Variants in ABI3BP observed in about 807,000 individuals in gnomAD.
ABI3BP encodes ABI family member 3 binding protein.
ABI3BP carries 216 observed loss-of-function variants against 268.6 expected under a neutral mutation model. That is an observed-to-expected ratio of 0.80 (90% CI 0.72 to 0.90). The LOEUF is 0.90. Ranked by LOEUF, ABI3BP falls within the 40% of genes least tolerant of loss-of-function variation. The probability of loss-of-function intolerance (pLI) is 0.00; values close to 1 mark genes in which losing one functional copy is unlikely to be tolerated. For synonymous variants in ABI3BP, 730 were observed against 730.0 expected (o/e 1.00, Z 0.00); for missense variants, 2,090 against 2,182.4 (o/e 0.96, Z 0.84).
rs571867021 is a variant in ABI3BP, at chr3:100,897,298, T to C, written c.461+1464A>G. On this transcript the variant is annotated intron_variant, in intron 4 of 67. Coordinates refer to ENST00000471714, the MANE Select transcript of ABI3BP (RefSeq NM_001375547.2). ...AAAAAATAATCAAATATACGTAATA[T>C]ACATCTTCCTATAACTCAGAAATTC... Among the ~76,000 whole-genome samples, 48 of 152,234 alleles carry C rather than the reference T, an allele frequency of 3.2e-4. 1 individual carries two copies. The South Asian group carries it at 8.3e-3, about 26-fold the overall frequency.
At chr3:100,818,642 A>G (rs531671390) in intron 40 of ABI3BP, 61 bp from the exon 41 acceptor site, 1 of 1,288,668 alleles carries the variant, frequency 7.8e-7, no homozygotes, top group Admixed American at 2.0e-5. Context: ...TTCCATTATA[A>G]TACTGCTTCA....
At chr3:100,838,501 A>C (rs886599430) in intron 24 of ABI3BP, 37 bp from the exon 25 acceptor site, 4 of 1,475,800 alleles carry the variant, frequency 2.7e-6, no homozygotes, top group Non-Finnish European at 3.7e-6. Flanking sequence ...ACAATGGGTC[A>C]TGGCTGTGAC....
At chr3:100,864,426 T>C in intron 11 of ABI3BP, 1 of 341,782 alleles carries the variant, frequency 2.9e-6, no homozygotes, top group Non-Finnish European at 5.3e-6. Flanking sequence ...ATGACACTTT[T>C]GGGGATTCTT....
chr3:100,768,910 T>C (rs1261430193), intron 62 of ABI3BP, among the ~76,000 whole-genome samples: 2 of 152,188 alleles, frequency 1.3e-5, no homozygotes, highest in Admixed American at 1.3e-4. Context: ...TCTACTTCAG[T>C]ATAGAAAGGA....
In ABI3BP at chr3:100,840,154, C is replaced by T. The variant is rs1464412138; in HGVS notation, c.1815G>A (p.Lys605=). Reference sequence around the variant, plus strand: ...GGGGGCGACGACCTGGTCTTTTGGTCTTTCGTGGTGCTGAAGAAAGAAAAT... The same window carrying T: ...GGGGGCGACGACCTGGTCTTTTGGTTTTTCGTGGTGCTGAAGAAAGAAAAT... ...TKPSTTLAPR[K]TKRPGRRPRP... The change falls in exon 23 of 68, where the codon AAG becomes AAA. Residue 605 remains lysine (K), a synonymous_variant. Transcript: ENST00000471714. 2 of 1,531,504 alleles carry T rather than the reference C, an allele frequency of 1.3e-6. No individual in the cohort carries two copies. Among genetic ancestry groups the T allele is most frequent in the African/African-American group, 1.4e-5 (1 of 72,690 alleles). The allele number at this position is 1,531,504 out of a possible 1,614,324, so 94.9% of individuals were successfully genotyped here.
intron 21 of ABI3BP, 89 bp from the exon 22 acceptor site, chr3:100,840,947 A>T (rs2098686881): frequency 8.5e-6 from 9 of 1,060,878 alleles, no homozygotes; most frequent in South Asian, 1.5e-5. Context: ...CTTAATTTTT[A>T]ATTACTAGAT....
In ABI3BP at chr3:100,823,449, C is replaced by T. The variant is rs2098284087; in HGVS notation, c.2803+9G>A. On this transcript the variant is annotated intron_variant, in intron 37 of 67. Transcript: ENST00000471714. ...AAGAAGCTTGTCGAAAACACTGTAT[C>T]AACGTTACCTAATGTTGTTGAGGCC... is the stretch of plus-strand genomic sequence containing the variant. The T allele has an allele frequency of 6.5e-7, 1 of 1,530,630 alleles. No individual in the cohort carries two copies. The highest frequency in any genetic ancestry group is 1.2e-5 in the South Asian group (1 of 82,910). 94.8% of individuals were successfully genotyped at this position (1,530,630 alleles called of 1,614,324 possible).
intron 9 of ABI3BP, among the ~76,000 whole-genome samples, chr3:100,871,705 A>G (rs926004948): frequency 2.6e-5 from 4 of 152,212 alleles, no homozygotes; most frequent in African/African-American, 7.2e-5. Context: ...ATGTGGAACT[A>G]TAAGTCCAAT....
At chr3:100,961,018 T>G (rs1372927148) in intron 1 of ABI3BP, among the ~76,000 whole-genome samples, 1 of 152,208 alleles carries the variant, frequency 6.6e-6, no homozygotes, top group Admixed American at 6.5e-5. Context: ...ATTTGTGTTG[T>G]TTTAAACTGC....
At chr3:100,779,624 T>C (rs1344457669) in intron 58 of ABI3BP, among the ~76,000 whole-genome samples, 1 of 152,120 alleles carries the variant, frequency 6.6e-6, no homozygotes, top group Admixed American at 6.5e-5. Context: ...TCTCTCTCTC[T>C]CTCTCTCTAT....
chr3:100,886,462 T>G (rs1219824342), intron 4 of ABI3BP, 139 bp from the exon 5 acceptor site: 1 of 575,510 alleles, frequency 1.7e-6, no homozygotes, highest in Non-Finnish European at 2.7e-6. Context: ...TTTAAAAAAT[T>G]TGCAGAGAAC....
intron 63 of ABI3BP, among the ~76,000 whole-genome samples, chr3:100,757,102 C>G (rs2095662263): frequency 6.6e-6 from 1 of 151,036 alleles, no homozygotes; most frequent in Non-Finnish European, 1.5e-5. Context: ...GGACATTTCA[C>G]AAATACTAGA....
Position 100,822,611 on chromosome 3 carries a change from A to C in ABI3BP, c.2865T>G (p.Pro955=). The change falls in exon 38 of 68, where the codon CCT becomes CCG. Residue 955 remains proline, a synonymous_variant. Coordinates refer to ENST00000471714, the MANE Select transcript of ABI3BP (RefSeq NM_001375547.2). ...TACCTGGTTTGGATTCAGGTGCTTCAGGACGTGGTGTGGTTTTTGTTCTGA... is the reference window on the plus strand; with the variant it reads ...TACCTGGTTTGGATTCAGGTGCTTCCGGACGTGGTGTGGTTTTTGTTCTGA... ...PRLRTKTTPR[P]EAPESKPVPT... is the part of the protein sequence containing the mutation. The C allele has an allele frequency of 6.5e-7, 1 of 1,536,612 alleles. No homozygotes were observed.
chr3:100,909,291 A>C (rs565218819), intron 2 of ABI3BP, among the ~76,000 whole-genome samples: 72 of 152,346 alleles, frequency 4.7e-4, no homozygotes, highest in African/African-American at 1.7e-3. Flanking sequence ...CGTAAGACCC[A>C]AAACCATAAA....
chr3:100,787,063 G>A (rs1419998361), intron 57 of ABI3BP, among the ~76,000 whole-genome samples: 3 of 151,892 alleles, frequency 2.0e-5, no homozygotes. Flanking sequence ...ATATTTAAAG[G>A]GAATGATACA....
At chr3:100,939,917 G>T (rs974394576) in intron 1 of ABI3BP, among the ~76,000 whole-genome samples, 1 of 151,994 alleles carries the variant, frequency 6.6e-6, no homozygotes, top group Non-Finnish European at 1.5e-5. Context: ...ACCCCCAGGC[G>T]CATATTCTCT....
At chr3:100,877,359 T>C (rs1014219576) in intron 6 of ABI3BP, among the ~76,000 whole-genome samples, 20 of 152,222 alleles carry the variant, frequency 1.3e-4, no homozygotes, top group African/African-American at 4.1e-4. Flanking sequence ...AAGCACTTAT[T>C]GCTCAAGAAA....
At chr3:100,841,504 T>G (rs1413883006) in intron 21 of ABI3BP, among the ~76,000 whole-genome samples, 1 of 152,082 alleles carries the variant, frequency 6.6e-6, no homozygotes, top group East Asian at 1.9e-4. Context: ...AGTATTGCTT[T>G]CATGGGTGTC....
chr3:100,888,297 G>C (rs2042907492), intron 4 of ABI3BP, among the ~76,000 whole-genome samples: 1 of 152,088 alleles, frequency 6.6e-6, no homozygotes, highest in African/African-American at 2.4e-5. Context: ...TGTGTCCTGT[G>C]AGTCAAAATA....
Sources: allele counts gnomAD v4.1 joint callset (sites outside exome capture counted in the v4.1 genomes callset), GRCh38; gene constraint gnomAD v4.1.1; transcripts MANE v1.5; gene names NCBI Gene and HGNC (gene_info 2026-07-23, HGNC 2026-07-21).